The following MACROD2 variants were observed in gnomAD, a reference collection of about 807,000 sequenced individuals.
The protein encoded by MACROD2 is ADP-ribose glycohydrolase MACROD2.
MACROD2 carries 36 observed loss-of-function variants against 70.4 expected under a neutral mutation model. The ratio of observed to expected loss-of-function variants is 0.51; its 90% CI spans 0.39 to 0.68. The LOEUF is 0.68. Ranked by LOEUF, MACROD2 falls within the 30% of genes least tolerant of loss-of-function variation. The pLI, the probability that MACROD2 is intolerant of heterozygous loss-of-function variation, is 0.00. For missense variants in MACROD2, 496 were observed against 538.4 expected (o/e 0.92, Z 0.78); for synonymous variants, 172 against 178.8 (o/e 0.96, Z 0.30).
intron 6 of MACROD2, among the ~76,000 whole-genome samples, chr20:15,331,368 T>G (rs2077990355): frequency 6.6e-6 from 1 of 151,750 alleles, no homozygotes; most frequent in Non-Finnish European, 1.5e-5. Context: ...GAACTATTAA[T>G]GAACCACATG....
chr20:15,304,405 G>A (rs994054927), intron 6 of MACROD2, among the ~76,000 whole-genome samples: 11 of 152,174 alleles, frequency 7.2e-5, no homozygotes, highest in Non-Finnish European at 1.3e-4. Flanking sequence ...TTTTATATAA[G>A]CATCTGGCTT....
chr20:14,602,130 G>A (rs1175812939), intron 4 of MACROD2, among the ~76,000 whole-genome samples: 1 of 152,134 alleles, frequency 6.6e-6, no homozygotes, highest in African/African-American at 2.4e-5. Context: ...GGTGAGGAGG[G>A]CAGAATTTAT....
At chr20:15,627,914 G>C (rs1012844979) in intron 8 of MACROD2, among the ~76,000 whole-genome samples, 1 of 152,154 alleles carries the variant, frequency 6.6e-6, no homozygotes, top group African/African-American at 2.4e-5. Flanking sequence ...AAGATGGGGG[G>C]TTAAATCAGA....
intron 6 of MACROD2, among the ~76,000 whole-genome samples, chr20:15,337,250 T>C (rs1194747015): frequency 6.6e-6 from 1 of 151,704 alleles, no homozygotes; most frequent in Non-Finnish European, 1.5e-5. Flanking sequence ...GAACAGTTTG[T>C]GTTTTGTTTT....
At chr20:15,349,797 A>G (rs1417623109) in intron 6 of MACROD2, among the ~76,000 whole-genome samples, 1 of 151,790 alleles carries the variant, frequency 6.6e-6, no homozygotes, top group Non-Finnish European at 1.5e-5. Flanking sequence ...TGGTGAAATA[A>G]TGGATCTTAA....
At chr20:15,027,912 T>C (rs535695024) in intron 5 of MACROD2, among the ~76,000 whole-genome samples, 2 of 152,006 alleles carry the variant, frequency 1.3e-5, no homozygotes. Flanking sequence ...CATTTAAAGG[T>C]CTGGGTTTAA....
At chr20:15,017,775 C>T (rs1488565942) in intron 5 of MACROD2, among the ~76,000 whole-genome samples, 1 of 152,232 alleles carries the variant, frequency 6.6e-6, no homozygotes, top group Non-Finnish European at 1.5e-5. Flanking sequence ...AAGCTTGGGG[C>T]TTCCACCCTC....
chr20:14,831,594 C>T (rs574677209), intron 5 of MACROD2, among the ~76,000 whole-genome samples: 8 of 151,674 alleles, frequency 5.3e-5, no homozygotes, highest in African/African-American at 1.7e-4. Context: ...GCCTGGCCAA[C>T]ATGGCGAAAC....
At chr20:14,944,739 C>T (rs1252353517) in intron 5 of MACROD2, among the ~76,000 whole-genome samples, 1 of 152,116 alleles carries the variant, frequency 6.6e-6, no homozygotes, top group Non-Finnish European at 1.5e-5. Flanking sequence ...CTGCTGCAGA[C>T]AGTAATCACT....
At chr20:15,041,217 A>G (rs1022155157) in intron 5 of MACROD2, among the ~76,000 whole-genome samples, 2 of 152,190 alleles carry the variant, frequency 1.3e-5, no homozygotes, top group African/African-American at 4.8e-5. Context: ...TGCTACATCT[A>G]GAAAGGGCGT....
chr20:14,540,932 G>A (rs1190673385), intron 4 of MACROD2, among the ~76,000 whole-genome samples: 2 of 152,108 alleles, frequency 1.3e-5, no homozygotes, highest in Non-Finnish European at 2.9e-5. Context: ...TATGAAAATG[G>A]TCTGCCAACT....
chr20:14,898,492 G>A (rs1408655026), intron 5 of MACROD2, among the ~76,000 whole-genome samples: 2 of 152,164 alleles, frequency 1.3e-5, no homozygotes, highest in East Asian at 1.9e-4. Flanking sequence ...ACTTTGGGAG[G>A]CCGAGGCGGG....
chr20:15,280,312 AC>A (rs1451307927), intron 6 of MACROD2, among the ~76,000 whole-genome samples: 9 of 152,012 alleles, frequency 5.9e-5, no homozygotes, highest in Middle Eastern at 3.4e-3. Context: ...AAGGATGCAA[AC>A]TTTTTTTTTT....
chr20:14,078,058 A>G (rs1054269410), intron 2 of MACROD2, among the ~76,000 whole-genome samples: 1 of 151,770 alleles, frequency 6.6e-6, no homozygotes, highest in Non-Finnish European at 1.5e-5. Context: ...ATGTGCCACC[A>G]CGCCTGGCTA....
At chr20:15,577,434 C>T (rs903011237) in intron 8 of MACROD2, among the ~76,000 whole-genome samples, 8 of 152,074 alleles carry the variant, frequency 5.3e-5, no homozygotes, top group African/African-American at 1.9e-4. Flanking sequence ...AAAAATATAA[C>T]TATAATGCCA....
chr20:15,920,912 C>G (rs2065394596), intron 10 of MACROD2, among the ~76,000 whole-genome samples: 1 of 152,204 alleles, frequency 6.6e-6, no homozygotes, highest in Admixed American at 6.5e-5. Context: ...GCACCTCCGT[C>G]CAACCACTCA....
intron 5 of MACROD2, among the ~76,000 whole-genome samples, chr20:14,731,673 C>T (rs73104538): frequency 0.24 from 36,047 of 151,864 alleles, 4,496 homozygotes; most frequent in East Asian, 0.41. Flanking sequence ...CGGGCCCTTT[C>T]GTCCAGGTTC....
intron 3 of MACROD2, among the ~76,000 whole-genome samples, chr20:14,202,906 G>T (rs551877073): frequency 4.6e-5 from 7 of 152,202 alleles, no homozygotes; most frequent in African/African-American, 1.7e-4. Flanking sequence ...AAATTACCCG[G>T]ATGTGGTGGC....
chr20:14,792,036 G>A (rs2072456832), intron 5 of MACROD2, among the ~76,000 whole-genome samples: 1 of 151,486 alleles, frequency 6.6e-6, no homozygotes, highest in African/African-American at 2.4e-5. Flanking sequence ...GTTACATAAT[G>A]TTTAGAATTA....
Sources: allele counts gnomAD v4.1 joint callset (sites outside exome capture counted in the v4.1 genomes callset), GRCh38; gene constraint gnomAD v4.1.1; transcripts MANE v1.5; gene names NCBI Gene and HGNC (gene_info 2026-07-23, HGNC 2026-07-21).